Variants in NEK11 observed in about 807,000 individuals in gnomAD.
NEK11 encodes the protein NIMA related kinase 11, also known as serine/threonine-protein kinase Nek11.
A neutral mutation model predicts 80.7 loss-of-function variants in NEK11; 72 were observed. That is an observed-to-expected ratio of 0.89 (90% confidence interval 0.74 to 1.08). The LOEUF (loss-of-function observed/expected upper bound fraction) is 1.08, where lower values mean the gene tolerates loss of function less well. Among genes scored for constraint, NEK11 ranks in the 50% least tolerant of loss-of-function variants. The probability of loss-of-function intolerance (pLI) is 0.00; values close to 1 mark genes in which losing one functional copy is unlikely to be tolerated. For synonymous variants in NEK11, 251 were observed against 260.7 expected (o/e 0.96, Z 0.36); for missense variants, 764 against 763.6 (o/e 1.00, Z -0.01).
At chr3:131,227,722 G>A (rs1452018743) in intron 14 of NEK11, among the ~76,000 whole-genome samples, 1 of 152,102 alleles carries the variant, frequency 6.6e-6, no homozygotes, top group African/African-American at 2.4e-5. Flanking sequence ...CCCAAGGGTA[G>A]TTGTTTGGGT....
chr3:131,107,371 TA>T (rs11373881), intron 4 of NEK11, among the ~76,000 whole-genome samples: 21 of 149,168 alleles, frequency 1.4e-4, no homozygotes, highest in African/African-American at 4.2e-4. Flanking sequence ...AATAATAAAA[TA>T]AAAAAAAAAG....
At chr3:131,348,072 C>A (rs1379873830) in intron 17 of NEK11, among the ~76,000 whole-genome samples, 1 of 152,116 alleles carries the variant, frequency 6.6e-6, no homozygotes. Context: ...TAATCAAGCA[C>A]AACATATATT....
intron 3 of NEK11, among the ~76,000 whole-genome samples, chr3:131,039,058 A>G (rs886619455): frequency 2.6e-5 from 4 of 152,214 alleles, no homozygotes; most frequent in African/African-American, 4.8e-5. Flanking sequence ...TTAAAGTGCA[A>G]GATTTTTGTG....
chr3:131,348,605 T>C (rs1277092314), intron 17 of NEK11, among the ~76,000 whole-genome samples: 1 of 151,628 alleles, frequency 6.6e-6, no homozygotes, highest in Non-Finnish European at 1.5e-5. Flanking sequence ...GGACCAAATG[T>C]TGCCCATAGG....
At chr3:131,236,776 G>A (rs113008966) in intron 15 of NEK11, among the ~76,000 whole-genome samples, 4 of 152,280 alleles carry the variant, frequency 2.6e-5, no homozygotes, top group African/African-American at 9.6e-5. Context: ...CTGATTTCAG[G>A]GAAGCCCTCA....
intron 4 of NEK11, among the ~76,000 whole-genome samples, chr3:131,095,084 G>A (rs1392203233): frequency 6.6e-6 from 1 of 152,080 alleles, no homozygotes; most frequent in East Asian, 1.9e-4. Context: ...TTATGAAATA[G>A]TTCATCATAG....
At chr3:131,074,766 G>A (rs78944596) in intron 3 of NEK11, among the ~76,000 whole-genome samples, 2,009 of 152,222 alleles carry the variant, frequency 0.013, 41 homozygotes, top group African/African-American at 0.045. Context: ...GCTCTAGACC[G>A]TGGATTTTGC....
chr3:131,264,368 C>G (rs1373333378), intron 16 of NEK11, among the ~76,000 whole-genome samples: 1 of 152,126 alleles, frequency 6.6e-6, no homozygotes, highest in Admixed American at 6.5e-5. Context: ...AGTCTTTAAC[C>G]CATCTTGAAT....
chr3:131,058,931 C>T (rs779440061), intron 3 of NEK11, among the ~76,000 whole-genome samples: 6 of 151,956 alleles, frequency 3.9e-5, no homozygotes, highest in African/African-American at 9.7e-5. Flanking sequence ...TTCCATTTTC[C>T]GTATTAACAA....
chr3:131,215,997 T>C lies in NEK11; in HGVS notation c.1400-12531T>C, dbSNP rs566029404. Among the ~76,000 whole-genome samples the C allele has an allele frequency of 3.3e-5, 5 of 152,340 alleles. No homozygotes were observed. The East Asian group carries it at 9.6e-4, about 29-fold the overall frequency. On this transcript the variant is annotated intron_variant, in intron 14 of 17. Transcript: ENST00000383366. ...AGGTGACTATTGAGCACTTGAAAAGTAGCTAGTGCAACTGAATTTGTCATT... is the reference window on the plus strand; with the variant it reads ...AGGTGACTATTGAGCACTTGAAAAGCAGCTAGTGCAACTGAATTTGTCATT...
intron 16 of NEK11, among the ~76,000 whole-genome samples, chr3:131,264,765 C>T (rs1561271248): frequency 1.3e-5 from 2 of 152,090 alleles, no homozygotes; most frequent in Admixed American, 6.5e-5. Context: ...TCATTGGTAG[C>T]TTGATGGGGA....
At chr3:131,311,923 T>C (rs2096785973) in intron 17 of NEK11, among the ~76,000 whole-genome samples, 1 of 152,214 alleles carries the variant, frequency 6.6e-6, no homozygotes, top group African/African-American at 2.4e-5. Context: ...TCTAGAGATA[T>C]TTGAATTTAT....
At chr3:131,329,144 C>G (rs2097028014) in intron 17 of NEK11, 1 of 152,186 alleles carries the variant, frequency 6.6e-6, no homozygotes, top group Admixed American at 6.5e-5. Context: ...GATGATTGTG[C>G]AGGCCCCATA....
intron 17 of NEK11, among the ~76,000 whole-genome samples, chr3:131,291,913 G>A (rs528118391): frequency 3.3e-5 from 5 of 152,162 alleles, no homozygotes; most frequent in Non-Finnish European, 5.9e-5. Flanking sequence ...TTCTCTTGAC[G>A]TTGTCTTTCA....
Position 131,035,681 on chromosome 3 carries a change from G to GA in NEK11, c.170+5803_170+5804insA, listed in dbSNP as rs2065530081. Among the ~76,000 whole-genome samples, 5 of 146,298 alleles carry GA rather than the reference G, an allele frequency of 3.4e-5. No homozygotes were observed. In the South Asian group the frequency reaches 1.1e-3, roughly 31 times the overall value. ...CTTAATCTGGTTCCTAGGATGAACA[G>GA]TACCTCCTCCTTTGTGCACCCTCCC... On this transcript the variant is annotated intron_variant, in intron 3 of 17. Transcript: ENST00000383366.
intron 14 of NEK11, among the ~76,000 whole-genome samples, chr3:131,180,489 C>T (rs2150158077): frequency 6.6e-6 from 1 of 152,164 alleles, no homozygotes; most frequent in Middle Eastern, 3.4e-3. Flanking sequence ...CATATTCTAT[C>T]ATAAAACTGA....
At chr3:131,198,288 C>G (rs9817117) in intron 14 of NEK11, among the ~76,000 whole-genome samples, 2 of 151,916 alleles carry the variant, frequency 1.3e-5, no homozygotes, top group Non-Finnish European at 2.9e-5. Flanking sequence ...CGGGATCAGT[C>G]AAGGGACCCT....
chr3:131,047,578 G>A (rs1177793689), intron 3 of NEK11, among the ~76,000 whole-genome samples: 4 of 152,192 alleles, frequency 2.6e-5, no homozygotes, highest in Non-Finnish European at 5.9e-5. Flanking sequence ...GAGCTACTGG[G>A]CTCTGGACTG....
intron 14 of NEK11, chr3:131,174,794 GT>G (rs1007687898): frequency 1.2e-6 from 2 of 1,610,700 alleles, no homozygotes; most frequent in African/African-American, 1.3e-5. Context: ...TCAGAGCAGT[GT>G]TTTTTCCAAA....
Sources: gnomAD v4.1 joint callset for allele counts (sites outside exome capture counted in the v4.1 genomes callset) on GRCh38, gnomAD v4.1.1 for gene constraint, MANE v1.5 for transcripts, NCBI Gene and HGNC (gene_info 2026-07-23, HGNC 2026-07-21) for gene names.